The following PMPCA variants were observed in gnomAD, a reference collection of about 807,000 sequenced individuals.
The protein encoded by PMPCA is mitochondrial-processing peptidase subunit alpha.
PMPCA carries 47 observed loss-of-function variants against 59.3 expected under a neutral mutation model. The observed-to-expected ratio is 0.79, with a 90% CI of 0.63 to 1.01. The LOEUF (loss-of-function observed/expected upper bound fraction) is 1.01, where lower values mean the gene tolerates loss of function less well. Ranked by LOEUF, PMPCA falls within the 50% of genes least tolerant of loss-of-function variation. The pLI is 0.00. For missense variants in PMPCA, 726 were observed against 704.5 expected, an observed-to-expected ratio of 1.03 and a Z score of -0.34; for synonymous variants, 338 against 290.3, an observed-to-expected ratio of 1.16 and a Z score of -1.67.
chr9:136,413,378 GGGA>G (rs1284286466), intron 4 of PMPCA, among the ~76,000 whole-genome samples: 1 of 152,188 alleles, frequency 6.6e-6, no homozygotes, highest in Non-Finnish European at 1.5e-5. Context: ...GCTTGGTGGA[GGGA>G]GGGGGCAGTG....
chr9:136,417,927 G>A, intron 7 of PMPCA, 90 bp from the exon 8 acceptor site: 2 of 956,886 alleles, frequency 2.1e-6, no homozygotes, highest in South Asian at 2.7e-5. Context: ...TTGGATTTCT[G>A]TGTAACCACT....
At chr9:136,422,773 G>A in intron 12 of PMPCA, 2 of 1,138,964 alleles carry the variant, frequency 1.8e-6, no homozygotes, top group South Asian at 5.3e-5. Context: ...TCGGGGGCTG[G>A]GGGTTTTTTC....
chr9:136,419,409 C>T (rs1409001692), intron 11 of PMPCA: 3 of 513,360 alleles, frequency 5.8e-6, no homozygotes, highest in African/African-American at 3.8e-5. Context: ...GTGGGACTGA[C>T]CATGTGACTC....
chr9:136,419,566 C>T lies in PMPCA; in HGVS notation c.1263+460C>T, dbSNP rs920468116. The T allele has an allele frequency of 1.4e-4, 29 of 210,676 alleles. No individual in the cohort carries two copies. In the South Asian group the frequency reaches 2.0e-3, roughly 14 times the overall value. 13.1% of individuals were successfully genotyped at this position (210,676 alleles called of 1,614,324 possible). ...CCCTGGCTCCATTCTATGTTTGAAA[C>T]TGTATTTGTTTACCAATTTTTTTTT... is the stretch of plus-strand genomic sequence containing the variant. On this transcript the variant is annotated intron_variant, in intron 11 of 12. Transcript: ENST00000371717.
intron 11 of PMPCA, chr9:136,420,576 T>G: frequency 6.6e-6 from 1 of 152,210 alleles, no homozygotes; most frequent in Admixed American, 6.5e-5. Context: ...CCTCCCAAAG[T>G]GCTGGGATTA....
At chr9:136,420,923 G>A (rs1449685088) in intron 11 of PMPCA, 3 of 150,148 alleles carry the variant, frequency 2.0e-5, no homozygotes, top group Admixed American at 6.6e-5. Context: ...AAGACCCTGT[G>A]TCTATTTAAG....
chr9:136,418,036 A>G lies in PMPCA; in HGVS notation c.917A>G (p.Asn306Ser), dbSNP rs199635711. The part of the protein sequence containing the change: ...GIAKLERDMS[N>S]VSLGPTPIPE... Reference sequence around the variant, plus strand: ...TTACAGCTAGAAAGAGACATGTCCAATGTCAGCCTGGGCCCGACCCCCATC... The same window carrying G: ...TTACAGCTAGAAAGAGACATGTCCAGTGTCAGCCTGGGCCCGACCCCCATC... The change falls in exon 8 of 13, where the codon AAT (asparagine) becomes AGT (serine). Residue 306 changes from asparagine (N) to serine (S), a missense_variant. Physicochemically the swap from Asn to Ser is conservative, Grantham distance 46. Coordinates refer to ENST00000371717, the MANE Select transcript of PMPCA (RefSeq NM_015160.3). The G allele has an allele frequency of 2.6e-5, 42 of 1,613,604 alleles. No individual in the cohort carries two copies. The highest frequency in any genetic ancestry group is 1.6e-4 in the East Asian group (7 of 44,868).
At chr9:136,418,381 G>A (rs573709305) in intron 8 of PMPCA, among the ~76,000 whole-genome samples, 174 bp from the exon 9 acceptor site, 340 of 150,050 alleles carry the variant, frequency 2.3e-3, no homozygotes, top group African/African-American at 7.9e-3. Context: ...ATCCGACGGC[G>A]CTCCTGACGC....
intron 11 of PMPCA, among the ~76,000 whole-genome samples, chr9:136,421,410 T>G (rs1835445514): frequency 4.2e-5 from 3 of 71,612 alleles, no homozygotes; most frequent in African/African-American, 1.7e-4. Context: ...TCCCGTTTTT[T>G]TTTTTTTTTT....
intron 11 of PMPCA, among the ~76,000 whole-genome samples, chr9:136,421,508 C>T (rs1356128191): frequency 6.7e-6 from 1 of 150,274 alleles, no homozygotes. Flanking sequence ...CTCCCGGGTT[C>T]ATGCCATTCT....
Position 136,423,603 on chromosome 9 carries a change from A to G in PMPCA, c.*339A>G. 1 of 290,794 alleles carries G rather than the reference A, an allele frequency of 3.4e-6. No homozygotes were observed. The highest frequency in any genetic ancestry group is 6.6e-6 in the Non-Finnish European group (1 of 150,472). The allele number at this position is 290,794 out of a possible 1,614,324, so 18.0% of individuals were successfully genotyped here. A position where few individuals can be genotyped will look rare whatever the true frequency, so the allele number is the denominator to read the frequency against. ...GAGGAGCCCTGAGCTGGGAGGCAGC[A>G]AAGGCTGACCTATCAAAGCCTCCCG... is the stretch of plus-strand genomic sequence containing the variant. On this transcript the variant is annotated 3_prime_UTR_variant, in exon 13 of 13. Transcript: ENST00000371717.
intron 11 of PMPCA, chr9:136,420,321 C>T (rs1314236613): frequency 1.3e-5 from 2 of 152,056 alleles, no homozygotes; most frequent in Admixed American, 1.3e-4. Flanking sequence ...GCACCCACCA[C>T]CACACCTGGC....
chr9:136,418,191 C>G, intron 8 of PMPCA, 82 bp downstream of exon 8: 1 of 988,370 alleles, frequency 1.0e-6, no homozygotes, highest in South Asian at 1.3e-5. Flanking sequence ...CCCTGGCATC[C>G]GACAGCGCTC....
chr9:136,415,166 G>C (rs894054549), intron 5 of PMPCA, among the ~76,000 whole-genome samples: 1 of 152,192 alleles, frequency 6.6e-6, no homozygotes, highest in African/African-American at 2.4e-5. Context: ...GGCATTTAGG[G>C]ATGTAGAGAT....
intron 12 of PMPCA, 42 bp downstream of exon 12, chr9:136,422,018 G>T: frequency 6.4e-7 from 1 of 1,573,444 alleles, no homozygotes. Flanking sequence ...GCAGGCCTCG[G>T]CCAGGCTCAG....
intron 10 of PMPCA, 25 bp from the exon 11 acceptor site, chr9:136,419,017 CTG>C (rs1564424029): frequency 3.1e-6 from 5 of 1,611,122 alleles, no homozygotes; most frequent in Admixed American, 1.7e-5. Context: ...GCAGGCCACA[CTG>C]TTATCGTCTT....
rs756726528 is a variant in PMPCA, at chr9:136,417,085, G to T, written c.768G>T (p.Val256=). 2 of 1,614,018 alleles carry T rather than the reference G, an allele frequency of 1.2e-6. No homozygotes were observed. The highest frequency in any genetic ancestry group is 2.2e-5 in the South Asian group (2 of 91,082). Residue 256 remains valine, a synonymous_variant, in exon 7 of 13, where the codon GTG becomes GTT. Coordinates refer to ENST00000371717, the MANE Select transcript of PMPCA (RefSeq NM_015160.3). ...YTPDRMVLAG[V]GVEHEHLVDC... Reference sequence around the variant, plus strand: ...CCGACCGCATGGTGCTGGCCGGCGTGGGCGTGGAGCACGAGCATCTGGTGG... The same window carrying T: ...CCGACCGCATGGTGCTGGCCGGCGTTGGCGTGGAGCACGAGCATCTGGTGG...
rs1564418120 is a variant in PMPCA at position 136,412,054 on chromosome 9, C to T, written c.129C>T (p.Pro43=). 1 of 1,613,506 alleles carries T rather than the reference C, an allele frequency of 6.2e-7. No homozygotes were observed. Among genetic ancestry groups the T allele is most frequent in the Non-Finnish European group, 8.5e-7 (1 of 1,179,464 alleles). ...FSSGGAYPNI[P]LSSPLPGVPK... Reference sequence around the variant, plus strand: ...GTGGTGGTGCCTATCCCAACATCCCCCTCTCTTCTCCCTTACCTGGAGTAC... The same window carrying T: ...GTGGTGGTGCCTATCCCAACATCCCTCTCTCTTCTCCCTTACCTGGAGTAC... The change falls in exon 2 of 13, where the codon CCC becomes CCT. Residue 43 remains proline (P), a synonymous_variant. Coordinates refer to ENST00000371717, the MANE Select transcript of PMPCA (RefSeq NM_015160.3).
At position 136,423,165 on chromosome 9, in the gene PMPCA, C is replaced by T. The variant is rs770009497; in HGVS notation, c.1479C>T (p.Ala493=). 62 of 1,613,810 alleles carry T rather than the reference C, an allele frequency of 3.8e-5. 1 individual carries two copies. The Middle Eastern group carries it at 9.9e-4, about 26-fold the overall frequency. ...TCCGAGGGAAGCCGGCAGTGGCCGC[C>T]CTGGGTGACCTGACTGACCTGCCCA... The part of the protein sequence containing the change: ...KMLRGKPAVA[A]LGDLTDLPTY... The change falls in exon 13 of 13, where the codon GCC becomes GCT. Residue 493 remains alanine (A), a synonymous_variant. Coordinates refer to ENST00000371717, the MANE Select transcript of PMPCA (RefSeq NM_015160.3).
Sources: allele counts gnomAD v4.1 joint callset (sites outside exome capture counted in the v4.1 genomes callset), GRCh38; gene constraint gnomAD v4.1.1; transcripts MANE v1.5; gene names NCBI Gene and HGNC (gene_info 2026-07-23, HGNC 2026-07-21).